Variants in SLC25A48 observed in about 807,000 individuals in gnomAD.
SLC25A48 encodes the protein CTC-321K16.1.
SLC25A48 carries 29 observed loss-of-function variants against 32.2 expected under a neutral mutation model. The observed-to-expected ratio is 0.90, with a 90% CI of 0.67 to 1.23. SLC25A48 has a LOEUF of 1.23. Among genes scored for constraint, SLC25A48 ranks in the 50% most tolerant of loss-of-function variants. SLC25A48 has a pLI of 0.00. For synonymous variants in SLC25A48, 164 were observed against 172.3 expected (o/e 0.95, Z 0.38); for missense variants, 399 against 422.7 (o/e 0.94, Z 0.49).
chr5:135,601,104 CT>C (rs1358086238), intron 1 of SLC25A48: 1 of 152,182 alleles, frequency 6.6e-6, no homozygotes, highest in African/African-American at 2.4e-5. Context: ...ACAGAAGACA[CT>C]GAAGAGTGAA....
intron 6 of SLC25A48, among the ~76,000 whole-genome samples, chr5:135,877,738 G>C (rs1762160264): frequency 6.6e-6 from 1 of 152,132 alleles, no homozygotes; most frequent in African/African-American, 2.4e-5. Context: ...AGATAAGTCA[G>C]TGACACTTGG....
At chr5:135,792,113 C>A (rs1054027742) in intron 3 of SLC25A48, among the ~76,000 whole-genome samples, 1 of 151,774 alleles carries the variant, frequency 6.6e-6, no homozygotes, top group African/African-American at 2.4e-5. Context: ...AGTGTGTACA[C>A]ACCCTGTAAT....
intron 1 of SLC25A48, among the ~76,000 whole-genome samples, chr5:135,581,437 C>A (rs1387992490): frequency 6.6e-6 from 1 of 152,136 alleles, no homozygotes; most frequent in Non-Finnish European, 1.5e-5. Context: ...TTGCCAATTG[C>A]TTTCCAAAAA....
chr5:135,841,070 G>T (rs541733759), intron 1 of SLC25A48, among the ~76,000 whole-genome samples: 2 of 152,100 alleles, frequency 1.3e-5, no homozygotes, highest in Non-Finnish European at 2.9e-5. Context: ...CTACATCCTT[G>T]CCAACAGTTC....
At chr5:135,682,409 A>G (rs1753918136) in intron 3 of SLC25A48, among the ~76,000 whole-genome samples, 1 of 152,210 alleles carries the variant, frequency 6.6e-6, no homozygotes, top group Non-Finnish European at 1.5e-5. Flanking sequence ...CAACCTGGCC[A>G]AGGATTAGGT....
chr5:135,689,857 T>G (rs1580787280), intron 3 of SLC25A48, among the ~76,000 whole-genome samples: 2 of 152,218 alleles, frequency 1.3e-5, no homozygotes, highest in African/African-American at 4.8e-5. Context: ...TTGGCAAATA[T>G]GAACCCACTC....
chr5:135,682,486 G>C (rs10036217), intron 3 of SLC25A48, among the ~76,000 whole-genome samples: 79,041 of 151,978 alleles, frequency 0.52, 21,496 homozygotes, highest in South Asian at 0.61. Context: ...ATATATATGT[G>C]TGTGCATACC....
rs1762801722 is a variant in SLC25A48 at position 135,888,146 on chromosome 5, TGGGCTA to T, written c.*125_*130del. On this transcript the variant is annotated 3_prime_UTR_variant, in exon 8 of 8. Transcript: ENST00000681962. ...CCAAGTGGACATCAATTAGCAAGCGTGGGCTAGGATGGTGCAGACACTGACGTGGCC... is the reference window on the plus strand; with the variant it reads ...CCAAGTGGACATCAATTAGCAAGCGTGGATGGTGCAGACACTGACGTGGCC... 1 of 1,498,690 alleles carries T rather than the reference TGGGCTA, an allele frequency of 6.7e-7. No homozygotes were observed. 92.8% of individuals were successfully genotyped at this position (1,498,690 alleles called of 1,614,324 possible).
At chr5:135,681,043 T>C (rs186200876) in intron 3 of SLC25A48, among the ~76,000 whole-genome samples, 1 of 152,286 alleles carries the variant, frequency 6.6e-6, no homozygotes. Flanking sequence ...TAGAGTGCAA[T>C]TGCACGATCT....
intron 3 of SLC25A48, among the ~76,000 whole-genome samples, chr5:135,804,738 C>T (rs756891187): frequency 1.3e-5 from 2 of 151,396 alleles, no homozygotes; most frequent in Non-Finnish European, 3.0e-5. Flanking sequence ...TACTCAATAT[C>T]ACAGTGAGTG....
chr5:135,885,522 C>G (rs373400555), intron 7 of SLC25A48, among the ~76,000 whole-genome samples: 3 of 152,302 alleles, frequency 2.0e-5, no homozygotes, highest in African/African-American at 7.2e-5. Context: ...TCCCCTCCAG[C>G]AGCATCCATG....
chr5:135,643,546 G>T (rs1752888587), intron 3 of SLC25A48, among the ~76,000 whole-genome samples: 1 of 152,198 alleles, frequency 6.6e-6, no homozygotes, highest in Non-Finnish European at 1.5e-5. Flanking sequence ...GCTAATGAAG[G>T]GGTGACTTGC....
chr5:135,632,842 G>A (rs1752608280), intron 2 of SLC25A48, among the ~76,000 whole-genome samples: 1 of 152,178 alleles, frequency 6.6e-6, no homozygotes, highest in Non-Finnish European at 1.5e-5. Flanking sequence ...AGGGCGAGGA[G>A]AGGCCAGTGT....
chr5:135,720,006 T>C (rs2126981758), intron 3 of SLC25A48, among the ~76,000 whole-genome samples: 1 of 152,310 alleles, frequency 6.6e-6, no homozygotes, highest in East Asian at 1.9e-4. Flanking sequence ...ATGAGCTAGA[T>C]CAGTAGTCTC....
chr5:135,619,703 G>A (rs1752277418), intron 1 of SLC25A48, among the ~76,000 whole-genome samples: 1 of 151,996 alleles, frequency 6.6e-6, no homozygotes, highest in Non-Finnish European at 1.5e-5. Context: ...AGCGTACTTT[G>A]GCTTTGATTC....
intron 1 of SLC25A48, among the ~76,000 whole-genome samples, chr5:135,610,365 C>T (rs1310813936): frequency 6.6e-6 from 1 of 152,146 alleles, no homozygotes; most frequent in Non-Finnish European, 1.5e-5. Context: ...TATTTATGTG[C>T]ACATTCGATT....
chr5:135,746,998 T>A (rs543595243), intron 3 of SLC25A48, among the ~76,000 whole-genome samples: 1 of 15,786 alleles, frequency 6.3e-5, no homozygotes, highest in East Asian at 3.5e-3. Flanking sequence ...TTTTTTGTTG[T>A]TGTTTTTTTT....
intron 3 of SLC25A48, among the ~76,000 whole-genome samples, chr5:135,738,493 A>C (rs942297540): frequency 1.5e-5 from 2 of 133,482 alleles, no homozygotes; most frequent in Admixed American, 1.5e-4. Flanking sequence ...CTACAGGGCT[A>C]TCAGGACCCA....
At chr5:135,596,730 T>G (rs529322843) in intron 1 of SLC25A48, among the ~76,000 whole-genome samples, 1 of 152,346 alleles carries the variant, frequency 6.6e-6, no homozygotes, top group East Asian at 1.9e-4. Context: ...CTGTGTAAAC[T>G]GCTAAGCAAG....
Sources: allele counts gnomAD v4.1 joint callset (sites outside exome capture counted in the v4.1 genomes callset), GRCh38; gene constraint gnomAD v4.1.1; transcripts MANE v1.5; gene names NCBI Gene and HGNC (gene_info 2026-07-23, HGNC 2026-07-21).